Variants in ABCB10 observed in about 807,000 individuals in gnomAD.
ABCB10 encodes the protein ATP-binding cassette sub-family B member 10, mitochondrial.
In ABCB10, 54 loss-of-function variants were observed where a neutral mutation model predicts 65.4. That is an observed-to-expected ratio of 0.83 (90% confidence interval 0.66 to 1.04). ABCB10 has a LOEUF of 1.04. Ranked by LOEUF, ABCB10 falls within the 50% of genes least tolerant of loss-of-function variation. The probability of loss-of-function intolerance (pLI) is 0.00; values close to 1 mark genes in which losing one functional copy is unlikely to be tolerated. For synonymous variants in ABCB10, 418 were observed against 406.5 expected, an observed-to-expected ratio of 1.03 and a Z score of -0.34; for missense variants, 846 against 976.6, an observed-to-expected ratio of 0.87 and a Z score of 1.78.
Position 229,517,952 on chromosome 1 carries a change from AT to A in ABCB10, c.*226del, listed in dbSNP as rs1662212909. The A allele has an allele frequency of 4.6e-6, 2 of 436,290 alleles. No homozygotes were observed. The highest frequency in any genetic ancestry group is 8.0e-5 in the Admixed American group (2 of 24,856). The allele number at this position is 436,290 out of a possible 1,614,324, so 27.0% of individuals were successfully genotyped here. On this transcript the variant is annotated 3_prime_UTR_variant, in exon 13 of 13. Transcript: ENST00000344517. ...AGAAAAGAAAATACAAAACCTGAAA[AT>A]AACTTCAGTGCTATAGACATTTAAA...
intron 10 of ABCB10, among the ~76,000 whole-genome samples, chr1:229,522,417 G>A (rs982799269): frequency 1.3e-5 from 2 of 152,010 alleles, no homozygotes; most frequent in Non-Finnish European, 2.9e-5. Context: ...TGTTGCCCAG[G>A]CTGGTGTCAA....
At chr1:229,542,962 C>G (rs1662885771) in intron 3 of ABCB10, among the ~76,000 whole-genome samples, 1 of 151,984 alleles carries the variant, frequency 6.6e-6, no homozygotes, top group African/African-American at 2.4e-5. Flanking sequence ...GAAACCCCAT[C>G]TCTACTAAAA....
At chr1:229,523,254 C>G (rs911042571) in intron 10 of ABCB10, among the ~76,000 whole-genome samples, 25 of 152,292 alleles carry the variant, frequency 1.6e-4, no homozygotes, top group African/African-American at 5.3e-4. Context: ...ACCCCATCCT[C>G]CCTCCTTTCC....
intron 3 of ABCB10, among the ~76,000 whole-genome samples, chr1:229,544,227 G>A (rs1662915777): frequency 6.6e-6 from 1 of 151,990 alleles, no homozygotes; most frequent in Non-Finnish European, 1.5e-5. Flanking sequence ...CAGTGGGCTG[G>A]GCAACATGGT....
intron 10 of ABCB10, among the ~76,000 whole-genome samples, chr1:229,522,926 T>G (rs939631388): frequency 1.3e-5 from 2 of 152,178 alleles, no homozygotes; most frequent in Non-Finnish European, 2.9e-5. Context: ...CATGGCTCAC[T>G]GCAACCTCTC....
rs1305427030 is a variant in ABCB10, at chr1:229,547,372, G to A, written c.921+127C>T. ...CCACGTTCCAGCAGCTTCTGCAACA[G>A]CACTTTTGGCTCTAGGCACTTACAG... On this transcript the variant is annotated intron_variant, in intron 3 of 12. Transcript: ENST00000344517. 3.9e-6 allele frequency: 4 copies of A among 1,024,476 alleles called. No individual in the cohort carries two copies. In the African/African-American group the frequency reaches 4.9e-5, roughly 13 times the overall value. 63.5% of individuals were successfully genotyped at this position (1,024,476 alleles called of 1,614,324 possible). A position where few individuals can be genotyped will look rare whatever the true frequency, so the allele number is the denominator to read the frequency against.
chr1:229,517,467 ATTTAAAAAACATGTT>A lies in ABCB10; in HGVS notation c.*697_*711del, dbSNP rs1465834500. 2 of 152,266 alleles carry A rather than the reference ATTTAAAAAACATGTT, an allele frequency of 1.3e-5. No individual in the cohort carries two copies. Among genetic ancestry groups the A allele is most frequent in the Non-Finnish European group, 2.9e-5 (2 of 68,050 alleles). The allele number at this position is 152,266 out of a possible 1,614,324, so 9.4% of individuals were successfully genotyped here. On this transcript the variant is annotated 3_prime_UTR_variant, in exon 13 of 13. Coordinates refer to ENST00000344517, the MANE Select transcript of ABCB10 (RefSeq NM_012089.3). ...CAAAAGTACTCATACAAACATGTGA[ATTTAAAAAACATGTT>A]TTCCTGTTCAAAAAATAAAGCTTCT...
intron 9 of ABCB10, 51 bp downstream of exon 9, chr1:229,527,178 A>T: frequency 6.5e-7 from 1 of 1,535,376 alleles, no homozygotes; most frequent in Non-Finnish European, 8.9e-7. Flanking sequence ...AGCAAAAGAC[A>T]AAAGTAATTT....
rs767514071 is a variant in ABCB10 at position 229,540,334 on chromosome 1, AG to A, written c.1203+271del. On this transcript the variant is annotated intron_variant, in intron 5 of 12. Transcript: ENST00000344517. ...GGGTGGAGCTGAGTCTTGGTGAGGCAGACCAGTGCTCAGGCAAAGCTGATGC... is the reference window on the plus strand; with the variant it reads ...GGGTGGAGCTGAGTCTTGGTGAGGCAACCAGTGCTCAGGCAAAGCTGATGC... Among the ~76,000 whole-genome samples the A allele has an allele frequency of 1.3e-3, 202 of 152,316 alleles. 1 individual carries two copies. The highest frequency in any genetic ancestry group is 3.4e-3 in the Middle Eastern group (1 of 294).
chr1:229,558,473 C>A lies in ABCB10; in HGVS notation c.180G>T (p.Trp60Cys), dbSNP rs1663320357. ...TCCAGCGGCGCGCGGCTCCAACGCC[C>A]CAGAGCAGCGCGGGCCCCGCGCCCC... ...RLWGAGPALL[W>C]GVGAARRWRS... Residue 60 changes from tryptophan (W) to cysteine (C), a missense_variant, in exon 1 of 13, where the codon TGG (tryptophan) becomes TGT (cysteine). Physicochemically the swap from Trp to Cys is radical, Grantham distance 215. This residue lies in a region of ABCB10 where 214 missense variants were observed against 173.5 expected (regional missense o/e 1.23). Coordinates refer to ENST00000344517, the MANE Select transcript of ABCB10 (RefSeq NM_012089.3). 1 of 1,274,226 alleles carries A rather than the reference C, an allele frequency of 7.8e-7. No homozygotes were observed. The highest frequency in any genetic ancestry group is 1.6e-5 in the African/African-American group (1 of 63,488). The allele number at this position is 1,274,226 out of a possible 1,614,324, so 78.9% of individuals were successfully genotyped here.
At chr1:229,518,710 T>A in intron 12 of ABCB10, 131 bp downstream of exon 12, 1 of 834,806 alleles carries the variant, frequency 1.2e-6, no homozygotes, top group Non-Finnish European at 1.9e-6. Flanking sequence ...TCAGCTTCCC[T>A]CACTTTAGAG....
intron 6 of ABCB10, among the ~76,000 whole-genome samples, chr1:229,536,074 T>C (rs1662714923): frequency 6.6e-6 from 1 of 152,024 alleles, no homozygotes; most frequent in Non-Finnish European, 1.5e-5. Context: ...GGGATGTTAA[T>C]AGGGAGGCTG....
intron 1 of ABCB10, chr1:229,549,938 T>G (rs889552595): frequency 1.3e-5 from 2 of 154,794 alleles, no homozygotes; most frequent in African/African-American, 4.8e-5. Context: ...GCACCCAATC[T>G]TGTCTGACCT....
intron 1 of ABCB10, among the ~76,000 whole-genome samples, chr1:229,555,725 T>G (rs952225330): frequency 6.6e-6 from 1 of 152,228 alleles, no homozygotes; most frequent in Non-Finnish European, 1.5e-5. Context: ...GTGTTTTGAT[T>G]AGAAAATACA....
chr1:229,524,592 G>A (rs1441632288), intron 10 of ABCB10, among the ~76,000 whole-genome samples: 3 of 152,084 alleles, frequency 2.0e-5, no homozygotes, highest in African/African-American at 7.2e-5. Flanking sequence ...AATACAAACT[G>A]AGTCTTCTCT....
intron 1 of ABCB10, among the ~76,000 whole-genome samples, chr1:229,552,119 T>C (rs1168443539): frequency 6.6e-6 from 1 of 152,248 alleles, no homozygotes; most frequent in South Asian, 2.1e-4. Context: ...CCCACACTTT[T>C]ACTTTTTAAT....
intron 6 of ABCB10, 118 bp downstream of exon 6, chr1:229,539,338 C>T (rs1662788550): frequency 1.4e-6 from 2 of 1,436,258 alleles, no homozygotes; most frequent in African/African-American, 2.9e-5. Flanking sequence ...TAATAACATT[C>T]TAGGAAATGC....
chr1:229,535,144 C>T (rs1004032700), intron 6 of ABCB10: 2 of 150,776 alleles, frequency 1.3e-5, no homozygotes, highest in African/African-American at 2.4e-5. Flanking sequence ...AATAATCACG[C>T]CTCGGATAAA....
At chr1:229,527,154 CAAAAAAA>C (rs113863559) in intron 9 of ABCB10, 68 bp downstream of exon 9, 4 of 1,077,978 alleles carry the variant, frequency 3.7e-6, no homozygotes, top group Non-Finnish European at 5.2e-6. Flanking sequence ...AAGTTCGAGA[CAAAAAAA>C]AAAAAAAGCA....
Sources: allele counts gnomAD v4.1 joint callset (sites outside exome capture counted in the v4.1 genomes callset), GRCh38; gene constraint gnomAD v4.1.1; regional missense constraint gnomAD v4.1.1; transcripts MANE v1.5; gene names NCBI Gene and HGNC (gene_info 2026-07-23, HGNC 2026-07-21).